ROR2: variants seen among roughly 807,000 people sequenced by gnomAD.
ROR2 encodes the protein ROR family WNT receptor 2.
A neutral mutation model predicts 74.9 loss-of-function variants in ROR2; 33 were observed. The ratio of observed to expected loss-of-function variants is 0.44; its 90% CI spans 0.33 to 0.59. The LOEUF (loss-of-function observed/expected upper bound fraction) is 0.59, where lower values mean the gene tolerates loss of function less well. ROR2 is among the 20% of genes least tolerant of loss of function. The probability of loss-of-function intolerance (pLI) is 0.02; values close to 1 mark genes in which losing one functional copy is unlikely to be tolerated. For missense variants in ROR2, 1,216 were observed against 1,313.8 expected, an observed-to-expected ratio of 0.93 and a Z score of 1.15; for synonymous variants, 586 against 558.7, an observed-to-expected ratio of 1.05 and a Z score of -0.69.
intron 1 of ROR2, among the ~76,000 whole-genome samples, chr9:91,860,425 T>C (rs1175677797): frequency 6.6e-6 from 1 of 151,946 alleles, no homozygotes; most frequent in Non-Finnish European, 1.5e-5. Flanking sequence ...ACGGACAAAA[T>C]GTATTAGTCA....
chr9:91,835,569 T>A (rs896753434), intron 1 of ROR2, among the ~76,000 whole-genome samples: 5 of 152,102 alleles, frequency 3.3e-5, no homozygotes, highest in Admixed American at 2.6e-4. Context: ...CTCCTATGAG[T>A]GAAAATGTTC....
At chr9:91,873,998 G>T (rs1829881698) in intron 1 of ROR2, among the ~76,000 whole-genome samples, 1 of 152,176 alleles carries the variant, frequency 6.6e-6, no homozygotes, top group Non-Finnish European at 1.5e-5. Flanking sequence ...TTGGTTGGGG[G>T]AGTTGGGCTT....
At chr9:91,824,843 AG>A (rs1161697711) in intron 1 of ROR2, among the ~76,000 whole-genome samples, 1 of 152,170 alleles carries the variant, frequency 6.6e-6, no homozygotes, top group Non-Finnish European at 1.5e-5. Flanking sequence ...CCCTGGCAGG[AG>A]GGGGTGACGG....
chr9:91,795,895 G>A (rs1009015913), intron 1 of ROR2, among the ~76,000 whole-genome samples: 2 of 152,166 alleles, frequency 1.3e-5, no homozygotes, highest in East Asian at 1.9e-4. Flanking sequence ...TAGGAAACAC[G>A]TGCACACTCA....
At chr9:91,844,937 C>T (rs529038124) in intron 1 of ROR2, among the ~76,000 whole-genome samples, 66 of 152,276 alleles carry the variant, frequency 4.3e-4, no homozygotes, top group African/African-American at 1.5e-3. Flanking sequence ...TTTCTACACA[C>T]GCATCCTAAT....
chr9:91,821,172 G>A (rs1208374233), intron 1 of ROR2, among the ~76,000 whole-genome samples: 1 of 151,888 alleles, frequency 6.6e-6, no homozygotes, highest in Non-Finnish European at 1.5e-5. Context: ...AGGACACAGG[G>A]AGAAGACAGC....
intron 4 of ROR2, among the ~76,000 whole-genome samples, chr9:91,739,308 A>C (rs1300679774): frequency 6.6e-6 from 1 of 152,070 alleles, no homozygotes; most frequent in Non-Finnish European, 1.5e-5. Flanking sequence ...GGAGATCGAG[A>C]CCAGTCTGGG....
intron 1 of ROR2, among the ~76,000 whole-genome samples, chr9:91,942,841 C>T (rs10992179): frequency 0.05 from 7,683 of 152,176 alleles, 478 homozygotes; most frequent in East Asian, 0.24. Flanking sequence ...AAGTTTTCTC[C>T]CCTAGAGCCC....
intron 1 of ROR2, among the ~76,000 whole-genome samples, chr9:91,912,887 G>A (rs2119442043): frequency 6.6e-6 from 1 of 152,342 alleles, no homozygotes; most frequent in Middle Eastern, 3.4e-3. Flanking sequence ...CCAGCACTTT[G>A]GGAGGCCGAG....
At chr9:91,906,102 G>A (rs1351328843) in intron 1 of ROR2, among the ~76,000 whole-genome samples, 2 of 152,042 alleles carry the variant, frequency 1.3e-5, no homozygotes, top group African/African-American at 4.8e-5. Flanking sequence ...CCAAAACCCT[G>A]AGAGGCGTCA....
rs151069784 is a variant in ROR2, at chr9:91,905,114, C to A, written c.97+44753G>T. Reference sequence around the variant, plus strand: ...ATACACAAAACTCATACACCACAAACCACATATCACACACACACCCCCCAC... The same window carrying A: ...ATACACAAAACTCATACACCACAAAACACATATCACACACACACCCCCCAC... On this transcript the variant is annotated intron_variant, in intron 1 of 8. Coordinates refer to ENST00000375708, the MANE Select transcript of ROR2 (RefSeq NM_004560.4). The surrounding 1 kb of genome is among the most constrained non-coding windows in gnomAD (Gnocchi z 5.3). Among the ~76,000 whole-genome samples, 2 of 151,486 alleles carry A rather than the reference C, an allele frequency of 1.3e-5. No individual in the cohort carries two copies. The highest frequency in any genetic ancestry group is 4.9e-5 in the African/African-American group (2 of 41,202).
intron 1 of ROR2, among the ~76,000 whole-genome samples, chr9:91,812,179 G>T (rs939279040): frequency 6.6e-6 from 1 of 152,176 alleles, no homozygotes; most frequent in African/African-American, 2.4e-5. Context: ...TGGTCTCGGT[G>T]TTCCATTCAC....
At chr9:91,792,363 A>G (rs931345189) in intron 1 of ROR2, among the ~76,000 whole-genome samples, 1 of 122,382 alleles carries the variant, frequency 8.2e-6, no homozygotes, top group Admixed American at 8.2e-5. Flanking sequence ...GTTGGAGTGC[A>G]GTAGTGCAAT....
At chr9:91,756,671 G>GT (rs902841563) in intron 3 of ROR2, among the ~76,000 whole-genome samples, 2 of 151,172 alleles carry the variant, frequency 1.3e-5, no homozygotes, top group African/African-American at 4.9e-5. Flanking sequence ...AGCTCCTCGT[G>GT]TGTGCCTGGG....
intron 1 of ROR2, among the ~76,000 whole-genome samples, chr9:91,818,041 T>C (rs1300768132): frequency 6.6e-6 from 1 of 152,208 alleles, no homozygotes; most frequent in African/African-American, 2.4e-5. Flanking sequence ...CATGAGCCTT[T>C]GCTTTTTCTA....
intron 1 of ROR2, among the ~76,000 whole-genome samples, chr9:91,900,925 G>A (rs554816051): frequency 5.3e-5 from 8 of 152,210 alleles, no homozygotes; most frequent in Non-Finnish European, 1.0e-4. Context: ...AACACACATC[G>A]TTTAATCAGA....
rs146644033 is a variant in ROR2, at chr9:91,728,995, C to T, written c.1183+1915G>A. Among the ~76,000 whole-genome samples, 55 of 151,548 alleles carry T rather than the reference C, an allele frequency of 3.6e-4. No individual in the cohort carries two copies. In the East Asian group the frequency reaches 8.3e-3, roughly 23 times the overall value. ...TTTATGCCCTGTAAGTACAAACCTG[C>T]GATACAAGATTCTAAGAATTGACTG... On this transcript the variant is annotated intron_variant, in intron 7 of 8. Transcript: ENST00000375708.
intron 1 of ROR2, among the ~76,000 whole-genome samples, chr9:91,864,329 C>T (rs1829564000): frequency 6.6e-6 from 1 of 152,170 alleles, no homozygotes; most frequent in South Asian, 2.1e-4. Context: ...GAAGAGAATC[C>T]TAAGTCCTGC....
intron 1 of ROR2, among the ~76,000 whole-genome samples, chr9:91,834,206 G>A (rs751534392): frequency 2.0e-5 from 3 of 152,194 alleles, no homozygotes; most frequent in Non-Finnish European, 2.9e-5. Context: ...TGTGGGCTAC[G>A]GGAGCCCACT....
Sources: gnomAD v4.1 joint callset for allele counts (sites outside exome capture counted in the v4.1 genomes callset) on GRCh38, gnomAD v4.1.1 for gene constraint, Gnocchi (gnomAD v3.1) non-coding constraint, MANE v1.5 for transcripts, NCBI Gene and HGNC (gene_info 2026-07-23, HGNC 2026-07-21) for gene names.